Variants in SMIM35 observed in about 807,000 individuals in gnomAD.
The protein encoded by SMIM35 is small integral membrane protein 35, also known as TMPRSS4 antisense RNA 1 (non-protein coding).
At chr11:118,028,064 C>T (rs554739048) in intron 1 of SMIM35, among the ~76,000 whole-genome samples, 22 of 152,352 alleles carry the variant, frequency 1.4e-4, no homozygotes, top group African/African-American at 4.6e-4. Flanking sequence ...CTCCCTGCTT[C>T]GCTGTCCCTC....
At chr11:118,058,381 G>A (rs532436112) in intron 1 of SMIM35, among the ~76,000 whole-genome samples, 6 of 152,278 alleles carry the variant, frequency 3.9e-5, no homozygotes, top group Non-Finnish European at 7.4e-5. Flanking sequence ...CAGGAGTGTG[G>A]GGAAGGGGCT....
chr11:118,024,947 C>A (rs2058262302), intron 1 of SMIM35, among the ~76,000 whole-genome samples: 2 of 149,816 alleles, frequency 1.3e-5, no homozygotes, highest in Non-Finnish European at 3.0e-5. Context: ...ATCTAGTGGT[C>A]CCCAGTGTCT....
At chr11:118,033,658 G>A (rs1655377021) in intron 1 of SMIM35, among the ~76,000 whole-genome samples, 1 of 152,150 alleles carries the variant, frequency 6.6e-6, no homozygotes, top group South Asian at 2.1e-4. Context: ...GATACCGAAA[G>A]AAAAGTGCCT....
chr11:118,067,724 CGGGA>C (rs1944500299), intron 1 of SMIM35, among the ~76,000 whole-genome samples: 2 of 151,084 alleles, frequency 1.3e-5, no homozygotes, highest in Non-Finnish European at 3.0e-5. Flanking sequence ...TTCAACTTCT[CGGGA>C]GGCTGAGGTG....
At chr11:118,012,978 A>T (rs565664075) in intron 4 of SMIM35, among the ~76,000 whole-genome samples, 2 of 152,306 alleles carry the variant, frequency 1.3e-5, no homozygotes, top group South Asian at 2.1e-4. Context: ...TCTCCAGGAC[A>T]TCTGTGACCC....
chr11:118,020,869 T>C lies in SMIM35; in HGVS notation c.8-5060A>G, dbSNP rs115469542. Among the ~76,000 whole-genome samples, 802 of 152,336 alleles carry C rather than the reference T, an allele frequency of 5.3e-3. 6 individuals are homozygous for C. Among genetic ancestry groups the C allele is most frequent in the African/African-American group, 0.018 (749 of 41,594 alleles). The stretch of plus-strand genomic sequence containing the variant: ...TTCCAGTATAATGTACCTTGATATA[T>C]GTATTTGATGCTCTAAATTTACCCC... On this transcript the variant is annotated intron_variant, in intron 1 of 4. Coordinates refer to ENST00000689828, the MANE Select transcript of SMIM35 (RefSeq NM_001394165.1).
intron 1 of SMIM35, among the ~76,000 whole-genome samples, chr11:118,045,719 CTT>C (rs969356545): frequency 1.3e-5 from 2 of 152,206 alleles, no homozygotes; most frequent in Admixed American, 1.3e-4. Context: ...GCTCTCTAAA[CTT>C]TACCTTCACT....
chr11:118,007,809 T>C (rs996647590), intron 4 of SMIM35, among the ~76,000 whole-genome samples: 3 of 151,948 alleles, frequency 2.0e-5, no homozygotes, highest in African/African-American at 7.3e-5. Context: ...GCTCTGCAGA[T>C]AAAAACTCAC....
intron 1 of SMIM35, among the ~76,000 whole-genome samples, chr11:118,041,049 G>T (rs1038066818): frequency 6.6e-6 from 1 of 151,840 alleles, no homozygotes; most frequent in African/African-American, 2.4e-5. Context: ...ATACATCACT[G>T]GTATTAAGCT....
intron 1 of SMIM35, among the ~76,000 whole-genome samples, chr11:118,079,415 G>T (rs1175063016): frequency 6.6e-6 from 1 of 152,054 alleles, no homozygotes; most frequent in Non-Finnish European, 1.5e-5. Context: ...CATTAAGCTG[G>T]GTATTCCTAG....
chr11:118,012,110 C>T (rs2058153556), intron 4 of SMIM35, among the ~76,000 whole-genome samples: 1 of 152,236 alleles, frequency 6.6e-6, no homozygotes, highest in African/African-American at 2.4e-5. Flanking sequence ...CCCTCCTCCT[C>T]CCACTTGCTC....
At chr11:118,033,987 G>C (rs1359938475) in intron 1 of SMIM35, among the ~76,000 whole-genome samples, 1 of 152,148 alleles carries the variant, frequency 6.6e-6, no homozygotes, top group Non-Finnish European at 1.5e-5. Context: ...TTTAAAATAG[G>C]CCAGGCGCAG....
chr11:118,073,618 C>T (rs1944608836), intron 1 of SMIM35, among the ~76,000 whole-genome samples: 1 of 152,324 alleles, frequency 6.6e-6, no homozygotes, highest in East Asian at 1.9e-4. Flanking sequence ...ATAAGGAAAG[C>T]AGTTGCAGGG....
At chr11:118,077,156 T>G in intron 1 of SMIM35, 1 of 904,222 alleles carries the variant, frequency 1.1e-6, no homozygotes, top group Non-Finnish European at 1.7e-6. Flanking sequence ...AGGCCTGCCC[T>G]GCACTCGGGC....
At chr11:118,025,754 C>T (rs1347646675) in intron 1 of SMIM35, 2 of 453,100 alleles carry the variant, frequency 4.4e-6, no homozygotes, top group Non-Finnish European at 8.8e-6. Context: ...TCTGTTTGTT[C>T]TGTTGATAGT....
intron 1 of SMIM35, among the ~76,000 whole-genome samples, chr11:118,024,263 T>G (rs899004925): frequency 1.3e-5 from 2 of 152,198 alleles, no homozygotes; most frequent in African/African-American, 4.8e-5. Flanking sequence ...AACTCTTTTT[T>G]TATTACATCA....
chr11:118,072,973 T>G (rs1000273430), intron 1 of SMIM35, among the ~76,000 whole-genome samples: 1 of 152,248 alleles, frequency 6.6e-6, no homozygotes, highest in Admixed American at 6.5e-5. Context: ...CAGGCTGGAG[T>G]GCAGTGGCAA....
At chr11:118,083,515 C>G (rs1945317023) in intron 1 of SMIM35, among the ~76,000 whole-genome samples, 1 of 152,166 alleles carries the variant, frequency 6.6e-6, no homozygotes, top group Non-Finnish European at 1.5e-5. Context: ...ACATACATGA[C>G]AGGCCCTCTA....
intron 1 of SMIM35, among the ~76,000 whole-genome samples, chr11:118,078,040 A>G (rs1374427916): frequency 1.0e-4 from 9 of 89,340 alleles, no homozygotes; most frequent in African/African-American, 2.9e-4. Flanking sequence ...AAAAAAAAAA[A>G]AAAAGAAAGA....
Sources: allele counts gnomAD v4.1 joint callset (sites outside exome capture counted in the v4.1 genomes callset), GRCh38; gene constraint gnomAD v4.1.1; transcripts MANE v1.5; gene names NCBI Gene and HGNC (gene_info 2026-07-23, HGNC 2026-07-21).